Variants in FLT4 observed in about 807,000 individuals in gnomAD.
FLT4 encodes the protein vascular endothelial growth factor receptor 3.
Under a neutral mutation model 163.2 loss-of-function variants are expected in FLT4, and 30 were observed. The ratio of observed to expected loss-of-function variants is 0.18; its 90% confidence interval spans 0.14 to 0.25. The LOEUF (loss-of-function observed/expected upper bound fraction) is 0.25, where lower values mean the gene tolerates loss of function less well. Ranked by LOEUF, FLT4 falls within the 10% of genes least tolerant of loss-of-function variation. The pLI, the probability that FLT4 is intolerant of heterozygous loss-of-function variation, is 1.00. For synonymous variants in FLT4, 884 were observed against 789.5 expected, an observed-to-expected ratio of 1.12 and a Z score of -2.01; for missense variants, 1,510 against 1,863.8, an observed-to-expected ratio of 0.81 and a Z score of 3.50.
Position 180,630,647 on chromosome 5 carries a change from G to C in FLT4, c.308C>G (p.Ala103Gly), listed in dbSNP as rs1300071664. ...GCAGACGTAGCTGCCTGTGTCGTTG[G>C]CATGTACCTCGTGCAGCAGCAACAC... ...CKVLLLHEVH[A>G]NDTGSYVCYY... is the part of the protein sequence containing the mutation. The change falls in exon 3 of 30, where the codon GCC becomes GGC. Residue 103 changes from alanine (A) to glycine (G), a missense_variant. Physicochemically the swap from Ala to Gly is moderately conservative, Grantham distance 60. Around this residue, in one of 5 missense-constraint regions of FLT4, gnomAD observed 157 missense variants for 178.7 expected, o/e 0.88. Transcript: ENST00000261937. The surrounding 1 kb of genome is among the most constrained non-coding windows in gnomAD (Gnocchi z 6.3). The C allele has an allele frequency of 1.2e-6, 2 of 1,613,198 alleles. No individual in the cohort carries two copies. The highest frequency in any genetic ancestry group is 4.5e-5 in the East Asian group (2 of 44,866).
At chr5:180,627,980 A>G (rs1341174366) in intron 8 of FLT4, among the ~76,000 whole-genome samples, 1 of 152,016 alleles carries the variant, frequency 6.6e-6, no homozygotes, top group Non-Finnish European at 1.5e-5. Context: ...CCCAGGAGAG[A>G]CGAGCCCCCA....
At chr5:180,622,862 A>G in intron 11 of FLT4, 23 bp from the exon 12 acceptor site, 1 of 1,543,732 alleles carries the variant, frequency 6.5e-7, no homozygotes, top group East Asian at 2.2e-5. Context: ...AGGCACAAGG[A>G]TCCATTTCCT....
At chr5:180,619,408 G>C in intron 18 of FLT4, 42 bp from the exon 19 acceptor site, 1 of 1,357,530 alleles carries the variant, frequency 7.4e-7, no homozygotes, top group Non-Finnish European at 9.9e-7. Context: ...GACCCTGGCA[G>C]GTCCCCGTTC....
In FLT4 at chr5:180,605,895, T is replaced by C. The variant is rs189380707; in HGVS notation, c.3894-2505A>G. 2.6e-3 allele frequency among the ~76,000 whole-genome samples: 392 copies of C among 152,302 alleles called. 1 individual carries two copies. The highest frequency in any genetic ancestry group is 9.0e-3 in the African/African-American group (373 of 41,558). ...CTAAGTGGGTACTGAAGGGGCTGGA[T>C]GATGTAACCCAGGAGTGAGGAGGTG... is the stretch of plus-strand genomic sequence containing the variant. On this transcript the variant is annotated intron_variant, in intron 29 of 29. Transcript: ENST00000261937.
intron 1 of FLT4, among the ~76,000 whole-genome samples, chr5:180,643,527 A>G (rs1004300757): frequency 5.3e-5 from 8 of 151,890 alleles, no homozygotes; most frequent in African/African-American, 1.7e-4. Flanking sequence ...CCACTGGCCC[A>G]GTCCTTGCTC....
chr5:180,641,751 G>C (rs1002200160), intron 1 of FLT4, among the ~76,000 whole-genome samples: 2 of 152,210 alleles, frequency 1.3e-5, no homozygotes, highest in Non-Finnish European at 2.9e-5. Context: ...GCAGGTCTGA[G>C]AGAGCTGAGC....
chr5:180,603,700 C>G (rs374513810), intron 29 of FLT4, among the ~76,000 whole-genome samples: 7 of 151,906 alleles, frequency 4.6e-5, no homozygotes, highest in African/African-American at 1.5e-4. Flanking sequence ...GTCAGGAGAT[C>G]GAGACCATCC....
intron 24 of FLT4, 79 bp downstream of exon 24, chr5:180,613,989 A>T: frequency 1.0e-6 from 1 of 992,878 alleles, no homozygotes; most frequent in Non-Finnish European, 1.6e-6. Context: ...CCAGTCCCTT[A>T]CTCCAGCAGG....
At chr5:180,648,727 C>G (rs1765600259) in intron 1 of FLT4, among the ~76,000 whole-genome samples, 1 of 100,906 alleles carries the variant, frequency 9.9e-6, no homozygotes, top group African/African-American at 3.3e-5. Flanking sequence ...CCGCCAGAGC[C>G]ACATCCCAAC....
intron 21 of FLT4, 110 bp from the exon 22 acceptor site, chr5:180,617,104 C>G: frequency 1.3e-6 from 1 of 784,338 alleles, no homozygotes. Flanking sequence ...GCCCCTCAGA[C>G]TCTGGGACAC....
chr5:180,611,703 T>C, intron 26 of FLT4: 2 of 601,294 alleles, frequency 3.3e-6, no homozygotes, highest in Non-Finnish European at 5.9e-6. Flanking sequence ...TAACAGACCA[T>C]GCGGGCACGT....
intron 1 of FLT4, among the ~76,000 whole-genome samples, chr5:180,644,116 T>C (rs60081129): frequency 0.044 from 6,669 of 152,244 alleles, 210 homozygotes; most frequent in South Asian, 0.11. Context: ...CATGACCCGC[T>C]CTTAACGGTT....
At chr5:180,640,737 T>C (rs1351866948) in intron 1 of FLT4, among the ~76,000 whole-genome samples, 1 of 152,120 alleles carries the variant, frequency 6.6e-6, no homozygotes, top group African/African-American at 2.4e-5. Context: ...GGCCCCTCCC[T>C]CGGCTCCACA....
At chr5:180,622,039 C>G (rs1049492219) in intron 12 of FLT4, 135 bp from the exon 13 acceptor site, 3 of 1,017,280 alleles carry the variant, frequency 2.9e-6, no homozygotes, top group East Asian at 5.0e-5. Context: ...GCTTGCCCCC[C>G]GCCCCACCAA....
At position 180,612,722 on chromosome 5, in the gene FLT4, G is replaced by A. The variant is rs1209477576; in HGVS notation, c.3432-111C>T. 1.8e-5 allele frequency: 14 copies of A among 776,658 alleles called. No individual in the cohort carries two copies. The East Asian group carries it at 2.1e-4, about 12-fold the overall frequency. The allele number at this position is 776,658 out of a possible 1,614,324, so 48.1% of individuals were successfully genotyped here. ...ACCCACTCTGCCCTCCTCCTGACAC[G>A]TCTCCCACTCTTGTCCAGCTACCCT... On this transcript the variant is annotated intron_variant, in intron 25 of 29. Transcript: ENST00000261937.
At position 180,632,659 on chromosome 5, in the gene FLT4, T is replaced by C. The variant is rs138418015; in HGVS notation, c.59-881A>G. Among the ~76,000 whole-genome samples, 4 of 152,104 alleles carry C rather than the reference T, an allele frequency of 2.6e-5. No homozygotes were observed. In the East Asian group the frequency reaches 7.8e-4, roughly 30 times the overall value. On this transcript the variant is annotated intron_variant, in intron 1 of 29. Coordinates refer to ENST00000261937, the MANE Select transcript of FLT4 (RefSeq NM_182925.5). Reference sequence around the variant, plus strand: ...GTGCACACGCGTGCCTCCATGTGCATCTGTAACTGTAGGCCTGGGTGTGTG... The same window carrying C: ...GTGCACACGCGTGCCTCCATGTGCACCTGTAACTGTAGGCCTGGGTGTGTG...
chr5:180,640,591 G>A (rs1298425299), intron 1 of FLT4, among the ~76,000 whole-genome samples: 2 of 152,256 alleles, frequency 1.3e-5, no homozygotes, highest in Non-Finnish European at 2.9e-5. Context: ...CTAGTTGGCT[G>A]AGGGCAAAGC....
chr5:180,629,133 G>C (rs1763884030), intron 7 of FLT4, 126 bp downstream of exon 7: 1 of 1,460,236 alleles, frequency 6.8e-7, no homozygotes, highest in East Asian at 2.3e-5. Context: ...CCCGGTGCAG[G>C]AGCTGGGCAG....
intron 1 of FLT4, among the ~76,000 whole-genome samples, chr5:180,641,161 T>A (rs1460720824): frequency 6.6e-6 from 1 of 152,210 alleles, no homozygotes; most frequent in African/African-American, 2.4e-5. Flanking sequence ...CCTCGTCCTC[T>A]GTGCCCGGCA....
Sources: gnomAD v4.1 joint callset for allele counts (sites outside exome capture counted in the v4.1 genomes callset) on GRCh38, gnomAD v4.1.1 for gene constraint, gnomAD v4.1.1 regional missense constraint, Gnocchi (gnomAD v3.1) non-coding constraint, MANE v1.5 for transcripts, NCBI Gene and HGNC (gene_info 2026-07-23, HGNC 2026-07-21) for gene names.